MAPDA: variants seen among roughly 807,000 people sequenced by gnomAD.
The protein encoded by MAPDA is N6-Methyl-AMP deaminase.
At chr15:43,335,466 G>A in the MAPDA span, among the ~76,000 whole-genome samples, 4 of 152,110 alleles carry the variant, frequency 2.6e-5, no homozygotes, top group Admixed American at 6.5e-5. Context: ...CCCAGGAATC[G>A]GAGGTTACAG....
chr15:43,336,116 A>T, the MAPDA span, among the ~76,000 whole-genome samples: 2 of 152,326 alleles, frequency 1.3e-5, no homozygotes, highest in South Asian at 4.1e-4. Context: ...ACCACAGATC[A>T]CTGCTGCCTT....
At chr15:43,331,627 A>G in the MAPDA span, among the ~76,000 whole-genome samples, 1 of 152,358 alleles carries the variant, frequency 6.6e-6, no homozygotes, top group South Asian at 2.1e-4. Context: ...AAAATGAAAT[A>G]AGAAAGAAAA....
the MAPDA span, among the ~76,000 whole-genome samples, chr15:43,343,879 C>T: frequency 6.6e-6 from 1 of 150,814 alleles, no homozygotes; most frequent in Non-Finnish European, 1.5e-5. Context: ...GTAATAACCC[C>T]AATAAAAAAC....
the MAPDA span, chr15:43,351,155 AG>A: frequency 1.0e-6 from 1 of 992,144 alleles, no homozygotes; most frequent in Non-Finnish European, 1.5e-6. Context: ...GCCCAAGTAG[AG>A]GAGTTAGAAG....
At chr15:43,330,671 TGTAGCCAGTGCTAA>T in the MAPDA span, 1 of 622,918 alleles carries the variant, frequency 1.6e-6, no homozygotes, top group Non-Finnish European at 2.6e-6. Flanking sequence ...TTGAGGAGGG[TGTAGCCAGTGCTAA>T]GTTCGCTTGC....
chr15:43,344,384 A>G, the MAPDA span, among the ~76,000 whole-genome samples: 1 of 152,234 alleles, frequency 6.6e-6, no homozygotes, highest in African/African-American at 2.4e-5. Flanking sequence ...AAAAAGATAC[A>G]GCATTTTATA....
At chr15:43,337,599 G>A in the MAPDA span, among the ~76,000 whole-genome samples, 9 of 152,118 alleles carry the variant, frequency 5.9e-5, no homozygotes, top group Non-Finnish European at 1.2e-4. Flanking sequence ...AAGCAAAATT[G>A]TGTCAGTGAT....
chr15:43,331,458 GTGAC>G, the MAPDA span, among the ~76,000 whole-genome samples: 1 of 152,178 alleles, frequency 6.6e-6, no homozygotes. Flanking sequence ...CTGGGATTTG[GTGAC>G]TGACTGGCTG....
the MAPDA span, among the ~76,000 whole-genome samples, chr15:43,338,977 A>G: frequency 1.3e-5 from 2 of 152,224 alleles, no homozygotes; most frequent in South Asian, 4.1e-4. Flanking sequence ...CTTCAACCGT[A>G]TTCCTCGTTG....
chr15:43,330,577 A>T, the MAPDA span: 7 of 1,422,358 alleles, frequency 4.9e-6, no homozygotes, highest in Non-Finnish European at 4.6e-6. Context: ...GGTAGGGGGA[A>T]AAAAACCACC....
At chr15:43,337,275 C>CA in the MAPDA span, among the ~76,000 whole-genome samples, 15,611 of 61,194 alleles carry the variant, frequency 0.26, 1,729 homozygotes, top group Middle Eastern at 0.31. Flanking sequence ...GACTCCGTCT[C>CA]AAAAAAAAAA....
At chr15:43,352,010 G>A in the MAPDA span, 15 of 1,469,604 alleles carry the variant, frequency 1.0e-5, no homozygotes, top group Non-Finnish European at 1.4e-5. Flanking sequence ...ATCCCACTTA[G>A]TAAAACAGTC....
chr15:43,351,933 G>A, the MAPDA span: 2 of 1,550,260 alleles, frequency 1.3e-6, no homozygotes, highest in Non-Finnish European at 1.7e-6. Context: ...AGCCCAGAGT[G>A]TTACATATTT....
the MAPDA span, chr15:43,346,028 G>A: frequency 6.2e-7 from 1 of 1,609,754 alleles, no homozygotes; most frequent in Non-Finnish European, 8.5e-7. Flanking sequence ...GGTAGAATCA[G>A]TGGGATAAGG....
At chr15:43,347,782 A>G in the MAPDA span, among the ~76,000 whole-genome samples, 1 of 152,250 alleles carries the variant, frequency 6.6e-6, no homozygotes, top group African/African-American at 2.4e-5. Flanking sequence ...TAATGTATAA[A>G]GGTTGAGTAA....
the MAPDA span, chr15:43,351,635 G>T: frequency 4.0e-6 from 4 of 992,706 alleles, no homozygotes; most frequent in Non-Finnish European, 5.8e-6. Flanking sequence ...GTAGGCCCTT[G>T]TTTAGACTCT....
the MAPDA span, chr15:43,349,048 A>G: frequency 6.2e-7 from 1 of 1,614,126 alleles, no homozygotes; most frequent in South Asian, 1.1e-5. Context: ...ACCACTGGGT[A>G]AGGCTTGGAG....
At chr15:43,353,637 C>G in the MAPDA span, 1 of 152,158 alleles carries the variant, frequency 6.6e-6, no homozygotes, top group Non-Finnish European at 1.5e-5. Context: ...CCCCCAAACT[C>G]TTGGGAGAAG....
At chr15:43,334,408 AC>A in the MAPDA span, among the ~76,000 whole-genome samples, 520 of 151,634 alleles carry the variant, frequency 3.4e-3, 1 homozygote, top group Middle Eastern at 0.014. Flanking sequence ...CGGGTGGATC[AC>A]TTGAGGTCAG....
Sources: allele counts gnomAD v4.1 joint callset (sites outside exome capture counted in the v4.1 genomes callset), GRCh38; gene constraint gnomAD v4.1.1; transcripts MANE v1.5; gene names NCBI Gene and HGNC (gene_info 2026-07-23, HGNC 2026-07-21).